SLIT3: variants seen among roughly 807,000 people sequenced by gnomAD.
SLIT3 encodes the protein slit homolog 3 protein.
A neutral mutation model predicts 184.0 loss-of-function variants in SLIT3; 68 were observed. The ratio of observed to expected loss-of-function variants is 0.37; its 90% CI spans 0.30 to 0.45. SLIT3 has a LOEUF of 0.45. Among genes scored for constraint, SLIT3 ranks in the 20% least tolerant of loss-of-function variants. The pLI is 1.00. For synonymous variants in SLIT3, 831 were observed against 828.6 expected (o/e 1.00, Z -0.05); for missense variants, 1,707 against 2,026.0 (o/e 0.84, Z 3.02).
intron 3 of SLIT3, among the ~76,000 whole-genome samples, chr5:169,217,137 A>AC (rs1764463316): frequency 6.8e-6 from 1 of 147,142 alleles, no homozygotes. Context: ...GGTTAAAAAA[A>AC]AAAAAAAAAA....
chr5:169,006,058 A>C (rs1316180517), intron 4 of SLIT3, among the ~76,000 whole-genome samples: 3 of 152,228 alleles, frequency 2.0e-5, no homozygotes, highest in Non-Finnish European at 4.4e-5. Flanking sequence ...AGGCAGGCCC[A>C]GTTCCAGCCT....
chr5:169,216,866 G>A (rs910924779), intron 3 of SLIT3, among the ~76,000 whole-genome samples: 12 of 152,170 alleles, frequency 7.9e-5, no homozygotes, highest in Non-Finnish European at 1.6e-4. Flanking sequence ...CGACTTATGA[G>A]CCGATAGGTA....
chr5:169,146,626 C>G (rs1285293791), intron 4 of SLIT3, among the ~76,000 whole-genome samples: 1 of 152,154 alleles, frequency 6.6e-6, no homozygotes. Flanking sequence ...CACCTCTCAC[C>G]CACCAGGATG....
At chr5:168,689,357 G>T (rs1409139883) in intron 29 of SLIT3, among the ~76,000 whole-genome samples, 2 of 152,104 alleles carry the variant, frequency 1.3e-5, no homozygotes, top group Admixed American at 1.3e-4. Context: ...ATATGTGTTG[G>T]GTCTATTGAT....
At chr5:169,205,101 G>A (rs1764026574) in intron 3 of SLIT3, among the ~76,000 whole-genome samples, 2 of 152,342 alleles carry the variant, frequency 1.3e-5, no homozygotes, top group South Asian at 4.1e-4. Context: ...TCTATGCTGA[G>A]TAATGAGGGA....
At chr5:169,145,458 A>C (rs1473416913) in intron 4 of SLIT3, among the ~76,000 whole-genome samples, 1 of 152,102 alleles carries the variant, frequency 6.6e-6, no homozygotes, top group East Asian at 1.9e-4. Context: ...ACCTCCACTT[A>C]ATGAGGCTCT....
At chr5:168,868,791 C>T (rs977587013) in intron 5 of SLIT3, among the ~76,000 whole-genome samples, 1 of 145,962 alleles carries the variant, frequency 6.9e-6, no homozygotes, top group South Asian at 2.2e-4. Context: ...AAAAGAAAGG[C>T]AAAAATTATG....
chr5:169,060,114 G>A (rs1464633409), intron 4 of SLIT3, among the ~76,000 whole-genome samples: 3 of 152,208 alleles, frequency 2.0e-5, no homozygotes, highest in African/African-American at 4.8e-5. Flanking sequence ...AATAGGCCAC[G>A]CGCAGCGGCT....
intron 32 of SLIT3, among the ~76,000 whole-genome samples, chr5:168,681,914 A>G (rs1254412073): frequency 6.6e-6 from 1 of 152,208 alleles, no homozygotes; most frequent in Non-Finnish European, 1.5e-5. Context: ...GACTGCCCTA[A>G]GAGGTACATC....
chr5:168,879,351 T>C (rs1300401931), intron 5 of SLIT3, among the ~76,000 whole-genome samples: 1 of 152,218 alleles, frequency 6.6e-6, no homozygotes, highest in Non-Finnish European at 1.5e-5. Context: ...ATTTGCTATT[T>C]ATCATTCACA....
intron 20 of SLIT3, among the ~76,000 whole-genome samples, chr5:168,745,082 T>A (rs1763758587): frequency 6.6e-6 from 1 of 152,180 alleles, no homozygotes; most frequent in African/African-American, 2.4e-5. Context: ...GCAACATTAA[T>A]AGGAGTTTGG....
At chr5:168,831,500 A>G (rs1213363749) in intron 6 of SLIT3, among the ~76,000 whole-genome samples, 1 of 152,186 alleles carries the variant, frequency 6.6e-6, no homozygotes, top group African/African-American at 2.4e-5. Flanking sequence ...TGATTAGTCC[A>G]TTACTCTCAA....
intron 1 of SLIT3, among the ~76,000 whole-genome samples, chr5:169,266,753 A>T (rs1766409593): frequency 6.6e-6 from 1 of 152,190 alleles, no homozygotes; most frequent in East Asian, 1.9e-4. Context: ...AATACGGCAT[A>T]GTAGGAAAGA....
At chr5:168,753,813 C>A in intron 17 of SLIT3, 51 bp downstream of exon 17, 1 of 1,583,986 alleles carries the variant, frequency 6.3e-7, no homozygotes, top group South Asian at 1.1e-5. Flanking sequence ...AATTCCCCTG[C>A]CCTCCCGTCT....
intron 1 of SLIT3, among the ~76,000 whole-genome samples, chr5:169,266,469 C>A (rs1436671739): frequency 6.6e-6 from 1 of 152,138 alleles, no homozygotes; most frequent in African/African-American, 2.4e-5. Context: ...TATAAAACAT[C>A]CTGCAAGCAT....
chr5:169,104,166 A>C (rs2113237904), intron 4 of SLIT3, among the ~76,000 whole-genome samples: 1 of 152,092 alleles, frequency 6.6e-6, no homozygotes, highest in South Asian at 2.1e-4. Flanking sequence ...ATTTGGAAAT[A>C]CCCCCATATT....
chr5:169,155,734 A>G (rs150296307), intron 4 of SLIT3, among the ~76,000 whole-genome samples: 45 of 152,334 alleles, frequency 3.0e-4, no homozygotes, highest in African/African-American at 1.0e-3. Context: ...TAGCCCTCCA[A>G]TTCTCCAAGT....
intron 4 of SLIT3, among the ~76,000 whole-genome samples, chr5:169,017,659 T>C (rs1183243959): frequency 6.6e-6 from 1 of 152,120 alleles, no homozygotes; most frequent in African/African-American, 2.4e-5. Flanking sequence ...CCTGCAGCAA[T>C]GGATGACCTT....
chr5:169,248,494 G>A (rs1019361433), intron 2 of SLIT3, among the ~76,000 whole-genome samples: 1 of 152,166 alleles, frequency 6.6e-6, no homozygotes, highest in African/African-American at 2.4e-5. Context: ...TGCACTAAAA[G>A]CCACTGATAC....
Sources: allele counts gnomAD v4.1 joint callset (sites outside exome capture counted in the v4.1 genomes callset), GRCh38; gene constraint gnomAD v4.1.1; transcripts MANE v1.5; gene names NCBI Gene and HGNC (gene_info 2026-07-23, HGNC 2026-07-21).